Variants in SAP130 observed in about 807,000 individuals in gnomAD.
SAP130 encodes the protein histone deacetylase complex subunit SAP130.
In SAP130, 16 loss-of-function variants were observed where a neutral mutation model predicts 103.2. The ratio of observed to expected loss-of-function variants is 0.16; its 90% CI spans 0.10 to 0.24. The LOEUF is 0.24. Ranked by LOEUF, SAP130 falls within the 10% of genes least tolerant of loss-of-function variation. The pLI is 1.00. For missense variants in SAP130, 990 were observed against 1,359.7 expected (o/e 0.73, Z 4.28); for synonymous variants, 477 against 497.0 (o/e 0.96, Z 0.53).
In SAP130 at chr2:127,993,350, C is replaced by T. The variant is rs201089507; in HGVS notation, c.1356-42G>A. 6.2e-4 allele frequency: 974 copies of T among 1,561,978 alleles called. 5 individuals are homozygous for T. Among genetic ancestry groups the T allele is most frequent in the South Asian group, 9.8e-4 (82 of 83,692 alleles). ...TGATAGCAAACAAAATAGTCATTTTCTTCTTTACTTTCAAATGATCCTATA... is the reference window on the plus strand; with the variant it reads ...TGATAGCAAACAAAATAGTCATTTTTTTCTTTACTTTCAAATGATCCTATA... On this transcript the variant is annotated intron_variant, in intron 11 of 20. Coordinates refer to ENST00000643581, the MANE Select transcript of SAP130 (RefSeq NM_001330301.2).
intron 12 of SAP130, among the ~76,000 whole-genome samples, chr2:127,992,669 T>C (rs952499627): frequency 2.0e-5 from 3 of 152,194 alleles, no homozygotes; most frequent in African/African-American, 7.2e-5. Context: ...AGGATTGTTT[T>C]TCCTGGATTA....
intron 2 of SAP130, among the ~76,000 whole-genome samples, chr2:128,022,016 G>C (rs1427307467): frequency 6.6e-6 from 1 of 152,180 alleles, no homozygotes; most frequent in African/African-American, 2.4e-5. Context: ...CATTAGATAA[G>C]TGTTCGCAAA....
intron 15 of SAP130, among the ~76,000 whole-genome samples, chr2:127,960,087 T>C: frequency 6.6e-6 from 1 of 152,218 alleles, no homozygotes; most frequent in Admixed American, 6.5e-5. Context: ...GATGGATCAG[T>C]ATTATTAGCC....
In SAP130 at chr2:128,013,025, C is replaced by T; in HGVS notation, c.744+5G>A. 6.2e-7 allele frequency: 1 copy of T among 1,603,772 alleles called. No homozygotes were observed. Among genetic ancestry groups the T allele is most frequent in the Non-Finnish European group, 8.5e-7 (1 of 1,174,896 alleles). On this transcript the variant is annotated splice_donor_5th_base_variant and intron_variant, in intron 6 of 20. Coordinates refer to ENST00000643581, the MANE Select transcript of SAP130 (RefSeq NM_001330301.2). ...GCCCTTAATGCACCCCAGGCTCCGA[C>T]GTGCCTGGATTGGTTGGTGAATGAT...
At chr2:128,008,762 T>C (rs2105150428) in intron 7 of SAP130, among the ~76,000 whole-genome samples, 1 of 151,896 alleles carries the variant, frequency 6.6e-6, no homozygotes, top group South Asian at 2.1e-4. Context: ...CACAGCTCAC[T>C]ATAGACTCAA....
At chr2:127,957,248 G>T (rs1027257614) in intron 15 of SAP130, among the ~76,000 whole-genome samples, 3 of 152,116 alleles carry the variant, frequency 2.0e-5, no homozygotes, top group Non-Finnish European at 4.4e-5. Flanking sequence ...GTTGCAATGA[G>T]CTATAATTGT....
rs746470046 is a variant in SAP130 at position 128,013,099 on chromosome 2, C to T, written c.675G>A (p.Pro225=). Residue 225 remains proline, a synonymous_variant, in exon 6 of 21, where the codon CCG becomes CCA. Coordinates refer to ENST00000643581, the MANE Select transcript of SAP130 (RefSeq NM_001330301.2). ...TAGCAGCATTTGGCAGCTGTGAGGT[C>T]GGCCTCAGGACTGTGGTTACTTTAG... is the stretch of plus-strand genomic sequence containing the variant. The part of the protein sequence containing the change: ...SSSKVTTVLR[P]TSQLPNAATA... 4.8e-4 allele frequency: 774 copies of T among 1,612,938 alleles called. 2 individuals carry two copies. The highest frequency in any genetic ancestry group is 7.6e-5 in the Non-Finnish European group (90 of 1,179,766).
intron 3 of SAP130, among the ~76,000 whole-genome samples, chr2:128,016,784 T>C (rs1684819592): frequency 6.6e-6 from 1 of 152,074 alleles, no homozygotes; most frequent in Non-Finnish European, 1.5e-5. Flanking sequence ...ACACACACAG[T>C]AAGAAGTAGA....
At chr2:127,949,476 T>C (rs1004877323) in intron 18 of SAP130, among the ~76,000 whole-genome samples, 1 of 152,218 alleles carries the variant, frequency 6.6e-6, no homozygotes, top group East Asian at 1.9e-4. Context: ...TTACAATGCA[T>C]GCGTATTTTT....
chr2:127,969,466 G>A (rs986979904), intron 15 of SAP130, among the ~76,000 whole-genome samples: 1 of 152,202 alleles, frequency 6.6e-6, no homozygotes. Context: ...ATACAAGGCA[G>A]AGCAGAAGTG....
rs372337440 is a variant in SAP130 at position 127,958,635 on chromosome 2, T to TGAGAGAGAGA, written c.2064-3301_2064-3292dup. On this transcript the variant is annotated intron_variant, in intron 15 of 20. Transcript: ENST00000643581. ...CTCATATATATGAGAGTGAGACAGA[T>TGAGAGAGAGA]GAGAGAGAGAGAGAGAGAGAGAGAG... 8.5e-4 allele frequency among the ~76,000 whole-genome samples: 109 copies of TGAGAGAGAGA among 127,700 alleles called. 1 individual carries two copies. The highest frequency in any genetic ancestry group is 4.4e-3 in the South Asian group (15 of 3,394). The allele number at this position is 127,700 out of a possible 152,430, so 83.8% of individuals were successfully genotyped here.
chr2:127,974,184 T>A (rs1013687861), intron 15 of SAP130, among the ~76,000 whole-genome samples: 1 of 152,220 alleles, frequency 6.6e-6, no homozygotes, highest in Non-Finnish European at 1.5e-5. Flanking sequence ...CTCAGCACAG[T>A]AGCCAGAGTG....
chr2:128,003,088 C>G (rs1400461680), intron 7 of SAP130, among the ~76,000 whole-genome samples: 2 of 151,894 alleles, frequency 1.3e-5, no homozygotes, highest in East Asian at 3.9e-4. Context: ...GAGACTGTGC[C>G]ACTGCACTCC....
chr2:127,996,539 G>A lies in SAP130; in HGVS notation c.1214-48C>T. On this transcript the variant is annotated intron_variant, in intron 10 of 20. Transcript: ENST00000643581. This position sits in a 1 kb window ranked among gnomAD's most constrained non-coding sequence, Gnocchi z 4.3. Reference sequence around the variant, plus strand: ...CCATGACCATTCTACACTTTTTTTTGGCATGCCAAAACATTCTTGGCTAGC... The same window carrying A: ...CCATGACCATTCTACACTTTTTTTTAGCATGCCAAAACATTCTTGGCTAGC... 7.1e-7 allele frequency: 1 copy of A among 1,405,318 alleles called. No individual in the cohort carries two copies. The highest frequency in any genetic ancestry group is 9.4e-7 in the Non-Finnish European group (1 of 1,065,312). 87.1% of individuals were successfully genotyped at this position (1,405,318 alleles called of 1,614,324 possible).
chr2:128,003,476 T>C (rs1158682788), intron 7 of SAP130, among the ~76,000 whole-genome samples: 2 of 149,156 alleles, frequency 1.3e-5, no homozygotes, highest in African/African-American at 4.9e-5. Flanking sequence ...CACTGCAACC[T>C]TGACTTCTGG....
intron 18 of SAP130, among the ~76,000 whole-genome samples, chr2:127,948,465 GAGT>G (rs1302843266): frequency 6.7e-6 from 1 of 150,260 alleles, no homozygotes; most frequent in Non-Finnish European, 1.5e-5. Context: ...TCAGCCTCCT[GAGT>G]AGCTGGGATT....
chr2:127,955,466 T>C lies in SAP130; in HGVS notation c.2064-122A>G. On this transcript the variant is annotated intron_variant, in intron 15 of 20. Coordinates refer to ENST00000643581, the MANE Select transcript of SAP130 (RefSeq NM_001330301.2). This position sits in a 1 kb window ranked among gnomAD's most constrained non-coding sequence, Gnocchi z 4.9. ...CCAGCACACTGCACAATTTATACTCTATTTCCTTTTTTTAAATTTTTAATT... is the reference window on the plus strand; with the variant it reads ...CCAGCACACTGCACAATTTATACTCCATTTCCTTTTTTTAAATTTTTAATT... 1.8e-6 allele frequency: 1 copy of C among 564,940 alleles called. No homozygotes were observed. 35.0% of individuals were successfully genotyped at this position (564,940 alleles called of 1,614,324 possible). A position where few individuals can be genotyped will look rare whatever the true frequency, so the allele number is the denominator to read the frequency against.
At chr2:127,975,193 T>C (rs1681371584) in intron 15 of SAP130, among the ~76,000 whole-genome samples, 1 of 152,202 alleles carries the variant, frequency 6.6e-6, no homozygotes, top group Non-Finnish European at 1.5e-5. Context: ...CATAAACAGT[T>C]CATAAAGAAA....
At chr2:127,985,847 G>T (rs1391164305) in intron 14 of SAP130, among the ~76,000 whole-genome samples, 1 of 151,602 alleles carries the variant, frequency 6.6e-6, no homozygotes. Flanking sequence ...TGGACGTCAA[G>T]AGGAACGCAT....
Sources: gnomAD v4.1 joint callset for allele counts (sites outside exome capture counted in the v4.1 genomes callset) on GRCh38, gnomAD v4.1.1 for gene constraint, Gnocchi (gnomAD v3.1) non-coding constraint, MANE v1.5 for transcripts, NCBI Gene and HGNC (gene_info 2026-07-23, HGNC 2026-07-21) for gene names.